Variants in KLRG1 observed in about 807,000 individuals in gnomAD.
KLRG1 encodes killer cell lectin-like receptor subfamily G member 1.
KLRG1 carries 16 observed loss-of-function variants against 21.8 expected under a neutral mutation model. The observed-to-expected ratio is 0.73, with a 90% CI of 0.50 to 1.11. The LOEUF (loss-of-function observed/expected upper bound fraction) is 1.11, where lower values mean the gene tolerates loss of function less well. Ranked by LOEUF, KLRG1 falls within the 50% of genes most tolerant of loss-of-function variation. The probability of loss-of-function intolerance (pLI) is 0.00; values close to 1 mark genes in which losing one functional copy is unlikely to be tolerated. For missense variants in KLRG1, 173 were observed against 218.3 expected (o/e 0.79, Z 1.31); for synonymous variants, 69 against 75.9 (o/e 0.91, Z 0.47).
At chr12:9,191,868 T>G in the KLRG1 span, among the ~76,000 whole-genome samples, 1 of 152,200 alleles carries the variant, frequency 6.6e-6, no homozygotes, top group Non-Finnish European at 1.5e-5. Context: ...AATGTTAATT[T>G]AATCAATGTA....
the KLRG1 span, among the ~76,000 whole-genome samples, chr12:9,092,624 A>G: frequency 6.6e-6 from 1 of 152,140 alleles, no homozygotes; most frequent in Non-Finnish European, 1.5e-5. Context: ...CTCTGTTTCC[A>G]GTGTCTCTCT....
the KLRG1 span, chr12:9,161,202 G>A: frequency 7.0e-6 from 8 of 1,146,414 alleles, no homozygotes; most frequent in Non-Finnish European, 9.9e-6. Context: ...GAGCTTCAGA[G>A]CCACACTCCC....
the KLRG1 span, among the ~76,000 whole-genome samples, chr12:9,094,477 AGAGCC>A: frequency 0.022 from 3,319 of 151,506 alleles, 123 homozygotes; most frequent in African/African-American, 0.075. Flanking sequence ...TGAATTCCAT[AGAGCC>A]AACTGATTCT....
At chr12:9,076,534 C>T in the KLRG1 span, among the ~76,000 whole-genome samples, 6 of 152,130 alleles carry the variant, frequency 3.9e-5, no homozygotes, top group Admixed American at 6.5e-5. Context: ...AGGATATAAC[C>T]CCATCGTAAT....
chr12:8,992,343 C>T (rs752164184), intron 2 of KLRG1, 33 bp downstream of exon 2: 1 of 1,422,920 alleles, frequency 7.0e-7, no homozygotes, highest in Non-Finnish European at 9.7e-7. Flanking sequence ...ATTAATCTTT[C>T]ATTTTATATT....
chr12:9,091,005 T>G, the KLRG1 span, among the ~76,000 whole-genome samples: 1 of 152,170 alleles, frequency 6.6e-6, no homozygotes, highest in Non-Finnish European at 1.5e-5. Flanking sequence ...AAATACTAAC[T>G]TTGAAGGGTT....
At chr12:9,149,276 A>G in the KLRG1 span, among the ~76,000 whole-genome samples, 2 of 152,234 alleles carry the variant, frequency 1.3e-5, no homozygotes, top group Admixed American at 6.5e-5. Context: ...TTAGTTGACC[A>G]TTGTGTTGAA....
At chr12:9,113,664 T>C in the KLRG1 span, 1 of 1,029,972 alleles carries the variant, frequency 9.7e-7, no homozygotes, top group East Asian at 2.4e-5. Flanking sequence ...GATGTACTGA[T>C]GAGCATGAAA....
chr12:9,152,781 T>G, the KLRG1 span: 6 of 1,586,664 alleles, frequency 3.8e-6, no homozygotes, highest in Non-Finnish European at 4.3e-6. Flanking sequence ...AATTCCAAGT[T>G]GCTTTTGGGC....
chr12:8,953,077 C>T (rs1203786127), intron 1 of KLRG1, among the ~76,000 whole-genome samples: 1 of 151,170 alleles, frequency 6.6e-6, no homozygotes, highest in African/African-American at 2.4e-5. Context: ...CCAGGCCTCA[C>T]TTGACCTGCT....
intron 1 of KLRG1, among the ~76,000 whole-genome samples, chr12:8,951,482 T>G (rs1463604714): frequency 6.6e-6 from 1 of 152,334 alleles, no homozygotes; most frequent in African/African-American, 2.4e-5. Flanking sequence ...AAGATATGTA[T>G]GTATCAAATA....
At chr12:9,052,007 G>C in the KLRG1 span, among the ~76,000 whole-genome samples, 2 of 152,148 alleles carry the variant, frequency 1.3e-5, no homozygotes, top group African/African-American at 2.4e-5. Context: ...CCATTTGTTG[G>C]GGAGCCCTGC....
chr12:9,213,253 T>G, the KLRG1 span, among the ~76,000 whole-genome samples: 1 of 152,354 alleles, frequency 6.6e-6, no homozygotes, highest in Admixed American at 6.5e-5. Context: ...TATTCTCATT[T>G]ATTAGCTATT....
At chr12:9,077,770 C>A in the KLRG1 span, 1 of 1,614,162 alleles carries the variant, frequency 6.2e-7, no homozygotes, top group Non-Finnish European at 8.5e-7. Context: ...TCTGGGAGAG[C>A]CATATGAGGG....
chr12:9,029,093 G>T, the KLRG1 span: 1 of 426,384 alleles, frequency 2.3e-6, no homozygotes, highest in Non-Finnish European at 4.4e-6. Context: ...TAGACATGAC[G>T]GCAGAAAGAA....
intron 1 of KLRG1, among the ~76,000 whole-genome samples, chr12:8,961,763 C>A (rs1483826666): frequency 6.6e-6 from 1 of 152,084 alleles, no homozygotes; most frequent in East Asian, 1.9e-4. Context: ...CTGTAGCATA[C>A]AATTCACAAT....
the KLRG1 span, among the ~76,000 whole-genome samples, chr12:9,060,520 T>A: frequency 1.3e-5 from 2 of 152,036 alleles, no homozygotes; most frequent in African/African-American, 2.4e-5. Context: ...TAGTTCCAGC[T>A]CCTAGGGAGG....
At chr12:9,068,124 G>C in the KLRG1 span, 194 of 1,573,504 alleles carry the variant, frequency 1.2e-4, no homozygotes, top group Middle Eastern at 1.7e-4. Context: ...GAAGGAGAAG[G>C]TTTGGGGGGC....
the KLRG1 span, chr12:9,158,588 A>C: frequency 6.2e-7 from 1 of 1,613,386 alleles, no homozygotes; most frequent in Non-Finnish European, 8.5e-7. Flanking sequence ...TAGGGGGAGG[A>C]AAAATGCAGT....
Sources: gnomAD v4.1 joint callset for allele counts (sites outside exome capture counted in the v4.1 genomes callset) on GRCh38, gnomAD v4.1.1 for gene constraint, MANE v1.5 for transcripts, NCBI Gene and HGNC (gene_info 2026-07-23, HGNC 2026-07-21) for gene names.